Variants in PARD3B observed in about 807,000 individuals in gnomAD.
The protein encoded by PARD3B is par-3 family cell polarity regulator beta, also known as partitioning defective 3 homolog B.
In PARD3B, 103 loss-of-function variants were observed where a neutral mutation model predicts 130.2. The ratio of observed to expected loss-of-function variants is 0.79; its 90% CI spans 0.67 to 0.93. The LOEUF (loss-of-function observed/expected upper bound fraction) is 0.93, where lower values mean the gene tolerates loss of function less well. PARD3B is among the 40% of genes least tolerant of loss of function. The probability of loss-of-function intolerance (pLI) is 0.00; values close to 1 mark genes in which losing one functional copy is unlikely to be tolerated. For missense variants in PARD3B, 1,609 were observed against 1,499.2 expected (o/e 1.07, Z -1.21); for synonymous variants, 583 against 553.2 (o/e 1.05, Z -0.76).
rs1180732924 is a variant in PARD3B, at chr2:205,550,939, G to GTATATATATA, written c.3181-2384_3181-2383insATATATATAT. ...CATATAATTATGTGTGTGTGTGTGTGTGTATATATATATGTGTATATATAT... is the reference window on the plus strand; with the variant it reads ...CATATAATTATGTGTGTGTGTGTGTGTATATATATATGTATATATATATGTGTATATATAT... On this transcript the variant is annotated intron_variant, in intron 21 of 22. Coordinates refer to ENST00000406610, the MANE Select transcript of PARD3B (RefSeq NM_001302769.2). This position sits in a 1 kb window ranked among gnomAD's most constrained non-coding sequence, Gnocchi z 4.5. Among the ~76,000 whole-genome samples the GTATATATATA allele has an allele frequency of 1.4e-4, 8 of 56,056 alleles. No individual in the cohort carries two copies. The highest frequency in any genetic ancestry group is 3.0e-4 in the Non-Finnish European group (8 of 26,470). 36.8% of individuals were successfully genotyped at this position (56,056 alleles called of 152,430 possible).
intron 11 of PARD3B, among the ~76,000 whole-genome samples, chr2:205,166,734 T>C (rs939219607): frequency 2.6e-5 from 4 of 152,126 alleles, no homozygotes; most frequent in Non-Finnish European, 5.9e-5. Flanking sequence ...ATGAGAAGGA[T>C]TCGTTGAAGA....
At chr2:204,993,201 T>C (rs1490202688) in intron 3 of PARD3B, among the ~76,000 whole-genome samples, 3 of 100,260 alleles carry the variant, frequency 3.0e-5, no homozygotes, top group African/African-American at 1.2e-4. Flanking sequence ...TTCAGTATGA[T>C]ATTGGCTGTG....
intron 2 of PARD3B, among the ~76,000 whole-genome samples, chr2:204,773,941 C>A (rs539506869): frequency 6.6e-6 from 1 of 152,116 alleles, no homozygotes; most frequent in Admixed American, 6.6e-5. Flanking sequence ...GGGTGTCGAC[C>A]CTGCCTGTTC....
chr2:205,195,937 T>C (rs567095436), intron 15 of PARD3B, among the ~76,000 whole-genome samples: 1 of 152,312 alleles, frequency 6.6e-6, no homozygotes, highest in South Asian at 2.1e-4. Context: ...TCAGTAGCCT[T>C]GTTTTTGTTT....
rs980116944 is a variant in PARD3B at position 205,141,663 on chromosome 2, C to T, written c.1434+15926C>T. Among the ~76,000 whole-genome samples, 6 of 152,214 alleles carry T rather than the reference C, an allele frequency of 3.9e-5. No homozygotes were observed. The East Asian group carries it at 9.7e-4, about 24-fold the overall frequency. Reference sequence around the variant, plus strand: ...TGTGTATCAAAGTGCAAACAGGTTACGGTTATGCTTAGCACTATTATGGCA... The same window carrying T: ...TGTGTATCAAAGTGCAAACAGGTTATGGTTATGCTTAGCACTATTATGGCA... On this transcript the variant is annotated intron_variant, in intron 10 of 22. Coordinates refer to ENST00000406610, the MANE Select transcript of PARD3B (RefSeq NM_001302769.2).
chr2:205,431,577 C>T (rs1038883387), intron 19 of PARD3B, among the ~76,000 whole-genome samples: 7 of 151,808 alleles, frequency 4.6e-5, no homozygotes, highest in African/African-American at 1.5e-4. Context: ...TCTTGCCATT[C>T]TCCTGCCTCA....
At chr2:204,568,124 C>A (rs920695649) in intron 1 of PARD3B, among the ~76,000 whole-genome samples, 4 of 152,074 alleles carry the variant, frequency 2.6e-5, no homozygotes, top group Non-Finnish European at 4.4e-5. Context: ...TTTGACTTTG[C>A]AGATTTTCAA....
intron 20 of PARD3B, among the ~76,000 whole-genome samples, chr2:205,487,425 C>A (rs58849154): frequency 2.0e-5 from 3 of 150,846 alleles, no homozygotes; most frequent in East Asian, 2.0e-4. Context: ...TATGCACTAT[C>A]CTGACTGTTC....
intron 2 of PARD3B, among the ~76,000 whole-genome samples, chr2:204,749,348 G>A (rs1015455850): frequency 1.3e-5 from 2 of 152,068 alleles, no homozygotes; most frequent in African/African-American, 4.8e-5. Flanking sequence ...TTGGTGTATT[G>A]TAACAACACT....
intron 10 of PARD3B, among the ~76,000 whole-genome samples, chr2:205,145,823 C>CAAAAAAA (rs58133781): frequency 7.9e-6 from 1 of 126,760 alleles, no homozygotes; most frequent in African/African-American, 2.9e-5. Context: ...TCCAAGAAGT[C>CAAAAAAA]AAAAAAAAAA....
intron 2 of PARD3B, among the ~76,000 whole-genome samples, chr2:204,751,669 T>C (rs904660652): frequency 1.3e-5 from 2 of 152,158 alleles, no homozygotes. Context: ...ACTTGCTGAG[T>C]AGGTATTTTT....
chr2:204,569,338 G>A (rs1171408242), intron 1 of PARD3B, among the ~76,000 whole-genome samples: 2 of 152,112 alleles, frequency 1.3e-5, no homozygotes, highest in East Asian at 1.9e-4. Flanking sequence ...ATATGAAACC[G>A]TAATGCCTCT....
At position 205,281,558 on chromosome 2, in the gene PARD3B, ATCCACTTTTTT is replaced by A. The variant is rs1379139638; in HGVS notation, c.2186-18968_2186-18958del. On this transcript the variant is annotated intron_variant, in intron 16 of 22. Transcript: ENST00000406610. The surrounding 1 kb of genome is among the most constrained non-coding windows in gnomAD (Gnocchi z 4.2). Reference sequence around the variant, plus strand: ...CTCTGCAATTGTAACAAACCAGGAAATCCACTTTTTTTCCTAAGTTGGGAAAATACATGCCT... The same window carrying A: ...CTCTGCAATTGTAACAAACCAGGAAATCCTAAGTTGGGAAAATACATGCCT... Among the ~76,000 whole-genome samples, 1 of 152,172 alleles carries A rather than the reference ATCCACTTTTTT, an allele frequency of 6.6e-6. No homozygotes were observed. The highest frequency in any genetic ancestry group is 2.4e-5 in the African/African-American group (1 of 41,432).
rs575029317 is a variant in PARD3B, at chr2:205,213,516, C to T, written c.2140+20196C>T. On this transcript the variant is annotated intron_variant, in intron 15 of 22. Transcript: ENST00000406610. ...GCAATCTGGCTGCAATCTCAGAAAC[C>T]CCGTGGACCACGATGATTGATTTGG... Among the ~76,000 whole-genome samples the T allele has an allele frequency of 3.3e-5, 5 of 152,206 alleles. No homozygotes were observed. In the South Asian group the frequency reaches 1.0e-3, roughly 32 times the overall value.
chr2:205,351,745 G>A lies in PARD3B; in HGVS notation c.2631-49268G>A, dbSNP rs2044000954. On this transcript the variant is annotated intron_variant, in intron 18 of 22. Transcript: ENST00000406610. The surrounding 1 kb of genome is among the most constrained non-coding windows in gnomAD (Gnocchi z 4.2). ...CTAAAGGTAGCTCTGTGAGTAAGGT[G>A]GGTTGCTAGCCTATCACCAGATTAT... 6.6e-6 allele frequency among the ~76,000 whole-genome samples: 1 copy of A among 152,018 alleles called. No homozygotes were observed. The highest frequency in any genetic ancestry group is 6.6e-5 in the Admixed American group (1 of 15,258).
chr2:205,444,318 G>T (rs2047831250), intron 20 of PARD3B, among the ~76,000 whole-genome samples: 1 of 152,056 alleles, frequency 6.6e-6, no homozygotes. Context: ...TCCAGGTGTG[G>T]TGGTATGCAC....
At chr2:205,085,252 G>C (rs1285500621) in intron 4 of PARD3B, among the ~76,000 whole-genome samples, 1 of 151,782 alleles carries the variant, frequency 6.6e-6, no homozygotes, top group Non-Finnish European at 1.5e-5. Flanking sequence ...TATTAACATA[G>C]TAGTACAAGT....
At chr2:204,701,586 TTTAAG>T (rs959105318) in intron 2 of PARD3B, among the ~76,000 whole-genome samples, 1 of 152,236 alleles carries the variant, frequency 6.6e-6, no homozygotes, top group Non-Finnish European at 1.5e-5. Context: ...GAAACTCTAT[TTTAAG>T]TTGAGTGTTG....
At chr2:205,557,269 G>A (rs765257017) in intron 22 of PARD3B, among the ~76,000 whole-genome samples, 3 of 152,086 alleles carry the variant, frequency 2.0e-5, no homozygotes, top group East Asian at 1.9e-4. Flanking sequence ...CCTTGCTGCC[G>A]TCCAGCTTTT....
Sources: allele counts gnomAD v4.1 joint callset (sites outside exome capture counted in the v4.1 genomes callset), GRCh38; gene constraint gnomAD v4.1.1; non-coding constraint Gnocchi (gnomAD v3.1); transcripts MANE v1.5; gene names NCBI Gene and HGNC (gene_info 2026-07-23, HGNC 2026-07-21).